CNTNAP4: variants seen among roughly 807,000 people sequenced by gnomAD.
CNTNAP4 encodes the protein contactin-associated protein-like 4.
CNTNAP4 carries 98 observed loss-of-function variants against 148.4 expected under a neutral mutation model. The ratio of observed to expected loss-of-function variants is 0.66; its 90% CI spans 0.56 to 0.78. The LOEUF (loss-of-function observed/expected upper bound fraction) is 0.78, where lower values mean the gene tolerates loss of function less well. CNTNAP4 is among the 30% of genes least tolerant of loss of function. The pLI is 0.00. For synonymous variants in CNTNAP4, 730 were observed against 565.1 expected, an observed-to-expected ratio of 1.29 and a Z score of -4.14; for missense variants, 1,935 against 1,565.6, an observed-to-expected ratio of 1.24 and a Z score of -3.98.
In CNTNAP4 at chr16:76,476,052, G is replaced by T; in HGVS notation, c.1762+7G>T. 6.3e-7 allele frequency: 1 copy of T among 1,578,452 alleles called. No homozygotes were observed. The highest frequency in any genetic ancestry group is 8.7e-7 in the Non-Finnish European group (1 of 1,147,858). ...GGAGCTACTTGCCATAACTGTAAGCGGAACACATCTGCTTTTTCTTGCCCC... is the reference window on the plus strand; with the variant it reads ...GGAGCTACTTGCCATAACTGTAAGCTGAACACATCTGCTTTTTCTTGCCCC... On this transcript the variant is annotated splice_region_variant and intron_variant, in intron 11 of 23. Coordinates refer to ENST00000611870, the MANE Select transcript of CNTNAP4 (RefSeq NM_033401.5).
chr16:76,407,142 C>T (rs1031019439), intron 3 of CNTNAP4, among the ~76,000 whole-genome samples: 8 of 152,206 alleles, frequency 5.3e-5, no homozygotes, highest in African/African-American at 1.4e-4. Flanking sequence ...TCCTAGGACA[C>T]GTAAGAATTA....
chr16:76,508,319 A>G lies in CNTNAP4; in HGVS notation c.2365+9625A>G, dbSNP rs955136721. 7.2e-5 allele frequency among the ~76,000 whole-genome samples: 7 copies of G among 97,884 alleles called. 2 individuals carry two copies. The highest frequency in any genetic ancestry group is 1.7e-4 in the Non-Finnish European group (6 of 34,476). 64.2% of individuals were successfully genotyped at this position (97,884 alleles called of 152,430 possible). A position where few individuals can be genotyped will look rare whatever the true frequency, so the allele number is the denominator to read the frequency against. ...ACTCTATTGAGTTATTGATTCTGAT[A>G]TAAAAATCACATAGTAGAAGAATGT... On this transcript the variant is annotated intron_variant, in intron 15 of 23. Coordinates refer to ENST00000611870, the MANE Select transcript of CNTNAP4 (RefSeq NM_033401.5).
rs114043333 is a variant in CNTNAP4 at position 76,348,540 on chromosome 16, G to A, written c.197-6778G>A. 6.6e-3 allele frequency among the ~76,000 whole-genome samples: 1,009 copies of A among 152,224 alleles called. 16 individuals carry two copies. The highest frequency in any genetic ancestry group is 0.022 in the African/African-American group (925 of 41,548). On this transcript the variant is annotated intron_variant, in intron 2 of 23. Transcript: ENST00000611870. ...AAAAGAAGAAACCAGCAATGAGAGCGAGAAGGAGCAAACAATTAGGTAGCA... is the reference window on the plus strand; with the variant it reads ...AAAAGAAGAAACCAGCAATGAGAGCAAGAAGGAGCAAACAATTAGGTAGCA...
intron 14 of CNTNAP4, among the ~76,000 whole-genome samples, chr16:76,497,902 CAAAAG>C (rs1173013318): frequency 1.3e-5 from 2 of 151,846 alleles, no homozygotes; most frequent in African/African-American, 2.4e-5. Flanking sequence ...ATGGGGGAAA[CAAAAG>C]AAATAGCAAA....
chr16:76,529,491 G>C (rs2083880667), intron 17 of CNTNAP4, among the ~76,000 whole-genome samples: 1 of 152,118 alleles, frequency 6.6e-6, no homozygotes, highest in African/African-American at 2.4e-5. Context: ...ATGTGACAGT[G>C]GTCATTTTCT....
At chr16:76,375,024 C>G (rs181032720) in intron 3 of CNTNAP4, among the ~76,000 whole-genome samples, 2 of 152,060 alleles carry the variant, frequency 1.3e-5, no homozygotes, top group Non-Finnish European at 2.9e-5. Flanking sequence ...CCGCCTTGGC[C>G]TCCCAAAATG....
At chr16:76,401,011 G>A (rs1171367230) in intron 3 of CNTNAP4, among the ~76,000 whole-genome samples, 2 of 152,054 alleles carry the variant, frequency 1.3e-5, no homozygotes, top group African/African-American at 4.8e-5. Flanking sequence ...GGATTGCCTC[G>A]GCTATTTGGG....
intron 23 of CNTNAP4, among the ~76,000 whole-genome samples, chr16:76,556,488 T>G (rs2085205065): frequency 6.6e-6 from 1 of 152,182 alleles, no homozygotes; most frequent in Non-Finnish European, 1.5e-5. Context: ...CCAGAGGCCA[T>G]CCCTGATTTT....
At chr16:76,422,440 G>C (rs1351366586) in intron 3 of CNTNAP4, among the ~76,000 whole-genome samples, 1 of 152,138 alleles carries the variant, frequency 6.6e-6, no homozygotes, top group Non-Finnish European at 1.5e-5. Context: ...GTCAGCTGGT[G>C]GAGCTGAGTC....
chr16:76,519,807 T>C (rs909438067), intron 15 of CNTNAP4, among the ~76,000 whole-genome samples: 6 of 152,212 alleles, frequency 3.9e-5, no homozygotes, highest in Non-Finnish European at 7.3e-5. Context: ...TAAATTCAGC[T>C]CTAAAATTGT....
At chr16:76,535,402 T>C (rs1410294485) in intron 17 of CNTNAP4, 143 bp from the exon 18 acceptor site, 12 of 786,986 alleles carry the variant, frequency 1.5e-5, no homozygotes, top group Non-Finnish European at 1.8e-5. Context: ...GAGTCTATAT[T>C]TGACCATGAA....
intron 17 of CNTNAP4, among the ~76,000 whole-genome samples, chr16:76,525,480 T>A (rs960766041): frequency 1.4e-4 from 21 of 147,822 alleles, no homozygotes; most frequent in Non-Finnish European, 2.7e-4. Flanking sequence ...AGAAAAAATA[T>A]ATATATAACT....
intron 2 of CNTNAP4, among the ~76,000 whole-genome samples, chr16:76,333,047 TTCTTTCA>T (rs1362176826): frequency 6.6e-6 from 1 of 152,230 alleles, no homozygotes; most frequent in African/African-American, 2.4e-5. Context: ...TAACAGATGT[TTCTTTCA>T]TAAAGGAAGT....
intron 2 of CNTNAP4, among the ~76,000 whole-genome samples, chr16:76,319,362 G>A (rs536145956): frequency 6.3e-4 from 96 of 152,216 alleles, no homozygotes; most frequent in African/African-American, 2.1e-3. Flanking sequence ...TTGCACTCCA[G>A]GGTGACAGAG....
chr16:76,353,408 T>C (rs2012118388), intron 2 of CNTNAP4, among the ~76,000 whole-genome samples: 1 of 152,214 alleles, frequency 6.6e-6, no homozygotes, highest in African/African-American at 2.4e-5. Flanking sequence ...TTTGTTGTAA[T>C]GCAATTTTTT....
intron 3 of CNTNAP4, among the ~76,000 whole-genome samples, chr16:76,366,454 G>C (rs1240524275): frequency 6.6e-6 from 1 of 152,170 alleles, no homozygotes; most frequent in Admixed American, 6.6e-5. Flanking sequence ...TCCCAAAACA[G>C]ACATAATCTC....
intron 1 of CNTNAP4, among the ~76,000 whole-genome samples, chr16:76,313,632 G>A (rs1961387511): frequency 6.6e-6 from 1 of 152,152 alleles, no homozygotes; most frequent in South Asian, 2.1e-4. Context: ...TCATAATGGT[G>A]AAAGAATTTA....
At position 76,385,077 on chromosome 16, in the gene CNTNAP4, T is replaced by C. The variant is rs16944331; in HGVS notation, c.390+29566T>C. On this transcript the variant is annotated intron_variant, in intron 3 of 23. Coordinates refer to ENST00000611870, the MANE Select transcript of CNTNAP4 (RefSeq NM_033401.5). The stretch of plus-strand genomic sequence containing the variant: ...CCTGACAGGTGCAACTTATAAAGTA[T>C]GAAACAGTTTACATGACAGGAGCAT... Among the ~76,000 whole-genome samples, 1,238 of 152,332 alleles carry C rather than the reference T, an allele frequency of 8.1e-3. 20 individuals carry two copies. Among genetic ancestry groups the C allele is most frequent in the African/African-American group, 0.028 (1,174 of 41,570 alleles).
At chr16:76,524,130 G>C (rs549498688) in intron 17 of CNTNAP4, among the ~76,000 whole-genome samples, 4 of 152,048 alleles carry the variant, frequency 2.6e-5, no homozygotes, top group African/African-American at 9.7e-5. Context: ...TGTAATTACT[G>C]TTTTGATAAT....
Sources: allele counts gnomAD v4.1 joint callset (sites outside exome capture counted in the v4.1 genomes callset), GRCh38; gene constraint gnomAD v4.1.1; transcripts MANE v1.5; gene names NCBI Gene and HGNC (gene_info 2026-07-23, HGNC 2026-07-21).